Variants in MYO5B observed in about 807,000 individuals in gnomAD.
MYO5B encodes myosin VB.
In MYO5B, 143 loss-of-function variants were observed where a neutral mutation model predicts 229.3. The ratio of observed to expected loss-of-function variants is 0.62; its 90% CI spans 0.54 to 0.72. MYO5B has a LOEUF of 0.72. MYO5B is among the 30% of genes least tolerant of loss of function. The pLI, the probability that MYO5B is intolerant of heterozygous loss-of-function variation, is 0.00. For missense variants in MYO5B, 2,321 were observed against 2,331.0 expected (o/e 1.00, Z 0.09); for synonymous variants, 918 against 885.2 (o/e 1.04, Z -0.66).
chr18:49,902,788 C>G lies in MYO5B; in HGVS notation c.2617G>C (p.Gly873Arg), dbSNP rs2024857164. Residue 873 changes from glycine (G) to arginine (R), a missense_variant, in exon 21 of 40, where the codon GGC becomes CGC. Gly to Arg is a moderately radical substitution (Grantham distance 125). Coordinates refer to ENST00000285039, the MANE Select transcript of MYO5B (RefSeq NM_001080467.3). ...KATTIQKHVR[G>R]WMARRHFQRL... ...TGGAAGTGCCTGCGTGCCATCCAGC[C>G]CCGCACGTGCTTCTGGATGGTGGTG... The G allele has an allele frequency of 1.2e-6, 2 of 1,603,000 alleles. No individual in the cohort carries two copies. The highest frequency in any genetic ancestry group is 2.7e-5 in the African/African-American group (2 of 75,016).
intron 10 of MYO5B, among the ~76,000 whole-genome samples, chr18:49,963,345 A>G (rs2025582889): frequency 6.6e-6 from 1 of 152,194 alleles, no homozygotes; most frequent in South Asian, 2.1e-4. Context: ...GTTTCCTTTT[A>G]GGAATTTTGC....
At chr18:50,095,507 A>G (rs2144494598) in intron 1 of MYO5B, among the ~76,000 whole-genome samples, 1 of 152,346 alleles carries the variant, frequency 6.6e-6, no homozygotes, top group Non-Finnish European at 1.5e-5. Flanking sequence ...GCTGGGGTTC[A>G]GAATGAGAGT....
chr18:50,035,033 C>T (rs2026433338), intron 4 of MYO5B, among the ~76,000 whole-genome samples: 1 of 152,178 alleles, frequency 6.6e-6, no homozygotes, highest in Non-Finnish European at 1.5e-5. Context: ...CCCACACGTC[C>T]TCTTCCCCAT....
At chr18:50,083,760 C>G (rs2031270544) in intron 1 of MYO5B, among the ~76,000 whole-genome samples, 1 of 152,198 alleles carries the variant, frequency 6.6e-6, no homozygotes, top group African/African-American at 2.4e-5. Flanking sequence ...CCACCTACAG[C>G]TGGAGTTGGG....
intron 1 of MYO5B, among the ~76,000 whole-genome samples, chr18:50,123,868 G>T (rs562197412): frequency 1.3e-5 from 2 of 152,286 alleles, no homozygotes; most frequent in South Asian, 4.1e-4. Context: ...ATATCTTACA[G>T]CCTAGTGGAT....
At chr18:50,194,584 G>A (rs1020081708) in intron 1 of MYO5B, among the ~76,000 whole-genome samples, 183 bp downstream of exon 1, 2 of 152,206 alleles carry the variant, frequency 1.3e-5, no homozygotes, top group African/African-American at 2.4e-5. Flanking sequence ...TCCCGGAACC[G>A]CCAAACTTTC....
At chr18:49,988,153 G>A (rs775230625) in intron 7 of MYO5B, among the ~76,000 whole-genome samples, 16 of 152,322 alleles carry the variant, frequency 1.1e-4, no homozygotes, top group African/African-American at 3.4e-4. Flanking sequence ...TTTGAATTGC[G>A]TGTTTTGGGT....
At chr18:50,130,703 G>A (rs1195809804) in intron 1 of MYO5B, among the ~76,000 whole-genome samples, 5 of 151,874 alleles carry the variant, frequency 3.3e-5, no homozygotes, top group South Asian at 2.1e-4. Flanking sequence ...CAGTTAGAAC[G>A]GTTCAGATGA....
chr18:49,888,686 G>A (rs926813557), intron 22 of MYO5B, among the ~76,000 whole-genome samples: 2 of 152,118 alleles, frequency 1.3e-5, no homozygotes, highest in African/African-American at 2.4e-5. Flanking sequence ...CTCCTAACTC[G>A]ACCTGGGTGG....
At position 49,839,308 on chromosome 18, in the gene MYO5B, G is replaced by C; in HGVS notation, c.4702-14C>G. 6.2e-7 allele frequency: 1 copy of C among 1,612,386 alleles called. No individual in the cohort carries two copies. The highest frequency in any genetic ancestry group is 8.5e-7 in the Non-Finnish European group (1 of 1,179,978). The stretch of plus-strand genomic sequence containing the variant: ...AGTCATGAAGCCCTGCAGAGGGAGA[G>C]GCGTGCACTACTGAGTTCTCTGGTC... On this transcript the variant is annotated splice_polypyrimidine_tract_variant and intron_variant, in intron 35 of 39. Coordinates refer to ENST00000285039, the MANE Select transcript of MYO5B (RefSeq NM_001080467.3).
At chr18:50,085,713 C>T (rs1462199102) in intron 1 of MYO5B, among the ~76,000 whole-genome samples, 2 of 152,126 alleles carry the variant, frequency 1.3e-5, no homozygotes, top group Non-Finnish European at 1.5e-5. Context: ...GGCACATATA[C>T]ACCATGGAAT....
chr18:49,886,626 C>T (rs1045179194), intron 22 of MYO5B, among the ~76,000 whole-genome samples: 7 of 88,118 alleles, frequency 7.9e-5, no homozygotes, highest in Non-Finnish European at 1.5e-4. Context: ...TATTCTTTGG[C>T]AATTTATTTT....
intron 6 of MYO5B, 105 bp downstream of exon 6, chr18:49,992,183 G>T: frequency 6.8e-7 from 1 of 1,465,114 alleles, no homozygotes; most frequent in Non-Finnish European, 9.6e-7. Flanking sequence ...TCAATTCCAG[G>T]CTCACAAGAG....
chr18:49,913,460 C>G (rs2024979573), intron 17 of MYO5B, among the ~76,000 whole-genome samples: 1 of 152,202 alleles, frequency 6.6e-6, no homozygotes, highest in Non-Finnish European at 1.5e-5. Flanking sequence ...CACTCTACAT[C>G]CCTCTGAAAG....
At chr18:50,088,898 G>A (rs1358160378) in intron 1 of MYO5B, among the ~76,000 whole-genome samples, 1 of 152,166 alleles carries the variant, frequency 6.6e-6, no homozygotes, top group East Asian at 1.9e-4. Context: ...GAAGGCATAT[G>A]TTAGTGCTTG....
intron 34 of MYO5B, among the ~76,000 whole-genome samples, chr18:49,841,796 G>A (rs1207531911): frequency 2.0e-5 from 3 of 152,228 alleles, no homozygotes; most frequent in South Asian, 2.1e-4. Flanking sequence ...CCGGGCTCTC[G>A]TCTAACCGCC....
At chr18:49,991,144 C>A (rs558382528) in intron 6 of MYO5B, among the ~76,000 whole-genome samples, 11 of 152,150 alleles carry the variant, frequency 7.2e-5, no homozygotes, top group Non-Finnish European at 4.4e-5. Flanking sequence ...CACACCCAAC[C>A]CAGCAAGCTG....
intron 17 of MYO5B, among the ~76,000 whole-genome samples, chr18:49,917,928 G>T (rs916777779): frequency 2.0e-5 from 3 of 152,200 alleles, no homozygotes; most frequent in Non-Finnish European, 4.4e-5. Context: ...CAGGACCCGT[G>T]ACTGCTTCCT....
intron 2 of MYO5B, among the ~76,000 whole-genome samples, chr18:50,049,355 A>G (rs17715957): frequency 0.17 from 25,385 of 152,246 alleles, 2,764 homozygotes; most frequent in Middle Eastern, 0.26. Flanking sequence ...ATGAAAAGCT[A>G]CTGATAAACT....
Sources: gnomAD v4.1 joint callset for allele counts (sites outside exome capture counted in the v4.1 genomes callset) on GRCh38, gnomAD v4.1.1 for gene constraint, MANE v1.5 for transcripts, NCBI Gene and HGNC (gene_info 2026-07-23, HGNC 2026-07-21) for gene names.